DIAPH3: variants seen among roughly 807,000 people sequenced by gnomAD.
DIAPH3 encodes the protein protein diaphanous homolog 3.
Under a neutral mutation model 144.3 loss-of-function variants are expected in DIAPH3, and 117 were observed. The ratio of observed to expected loss-of-function variants is 0.81; its 90% CI spans 0.70 to 0.95. The LOEUF is 0.95. Ranked by LOEUF, DIAPH3 falls within the 40% of genes least tolerant of loss-of-function variation. DIAPH3 has a pLI of 0.00. For missense variants in DIAPH3, 1,421 were observed against 1,412.7 expected, an observed-to-expected ratio of 1.01 and a Z score of -0.09; for synonymous variants, 519 against 488.9, an observed-to-expected ratio of 1.06 and a Z score of -0.81.
chr13:59,870,550 T>C (rs954305766), intron 21 of DIAPH3, among the ~76,000 whole-genome samples: 4 of 152,178 alleles, frequency 2.6e-5, no homozygotes, highest in East Asian at 1.9e-4. Flanking sequence ...ATTGAACCCA[T>C]AGATCAAGTT....
intron 17 of DIAPH3, among the ~76,000 whole-genome samples, chr13:59,952,200 A>T (rs779854725): frequency 2.6e-4 from 39 of 152,152 alleles, no homozygotes; most frequent in Non-Finnish European, 4.9e-4. Context: ...AGAACACATA[A>T]ATTTATAGGC....
At chr13:59,859,956 G>C (rs1264023322) in intron 22 of DIAPH3, among the ~76,000 whole-genome samples, 1 of 152,092 alleles carries the variant, frequency 6.6e-6, no homozygotes, top group Non-Finnish European at 1.5e-5. Flanking sequence ...GGGGTAAAGT[G>C]AGTAATTCAA....
chr13:59,944,040 T>C (rs1039429383), intron 17 of DIAPH3, among the ~76,000 whole-genome samples: 1 of 151,996 alleles, frequency 6.6e-6, no homozygotes, highest in East Asian at 1.9e-4. Flanking sequence ...GGCAAGACCA[T>C]GTCTCTACAA....
At chr13:60,143,663 T>C (rs890783530) in intron 1 of DIAPH3, among the ~76,000 whole-genome samples, 19 of 152,198 alleles carry the variant, frequency 1.2e-4, no homozygotes, top group African/African-American at 4.3e-4. Context: ...ATTTTAAATG[T>C]GTACTGCCTC....
chr13:60,117,529 T>C (rs1001037064), intron 2 of DIAPH3, among the ~76,000 whole-genome samples: 4 of 152,110 alleles, frequency 2.6e-5, no homozygotes, highest in Admixed American at 6.5e-5. Context: ...CGTGCCCTAT[T>C]GAGCACTCCA....
intron 19 of DIAPH3, among the ~76,000 whole-genome samples, chr13:59,915,235 A>G (rs761465270): frequency 1.3e-5 from 2 of 152,158 alleles, no homozygotes; most frequent in Admixed American, 1.3e-4. Context: ...AAAATGCTTA[A>G]ATAAGAGTAG....
chr13:59,888,544 T>C (rs1183538775), intron 20 of DIAPH3, among the ~76,000 whole-genome samples: 1 of 152,146 alleles, frequency 6.6e-6, no homozygotes, highest in Non-Finnish European at 1.5e-5. Context: ...ATATTTTCTC[T>C]GGTTTGTCTA....
intron 27 of DIAPH3, among the ~76,000 whole-genome samples, chr13:59,713,728 G>C (rs1555278654): frequency 1.3e-5 from 2 of 152,130 alleles, no homozygotes; most frequent in Admixed American, 6.5e-5. Context: ...GCTTAAAAAA[G>C]AAAGTCTGTT....
intron 1 of DIAPH3, among the ~76,000 whole-genome samples, chr13:60,160,168 G>A (rs1391441373): frequency 6.6e-6 from 1 of 152,088 alleles, no homozygotes; most frequent in Non-Finnish European, 1.5e-5. Flanking sequence ...AGCTTGCAGT[G>A]AGCCGAGATC....
intron 20 of DIAPH3, among the ~76,000 whole-genome samples, chr13:59,892,559 T>C (rs892246390): frequency 2.0e-5 from 3 of 151,926 alleles, no homozygotes; most frequent in Admixed American, 6.6e-5. Context: ...TATAAAAGAC[T>C]CTTTTTAAAA....
intron 17 of DIAPH3, among the ~76,000 whole-genome samples, chr13:59,963,913 CA>C (rs1462562499): frequency 4.6e-5 from 7 of 152,160 alleles, no homozygotes; most frequent in African/African-American, 1.7e-4. Context: ...GGATAAGCCT[CA>C]TTTAAATTTC....
chr13:60,001,094 T>C (rs747027980), intron 9 of DIAPH3, among the ~76,000 whole-genome samples: 8 of 152,154 alleles, frequency 5.3e-5, no homozygotes, highest in Non-Finnish European at 1.2e-4. Flanking sequence ...AGGATGTGTG[T>C]ATACAAAACA....
intron 3 of DIAPH3, among the ~76,000 whole-genome samples, chr13:60,095,020 A>C (rs943595744): frequency 8.9e-5 from 12 of 134,962 alleles, no homozygotes; most frequent in Admixed American, 7.1e-4. Context: ...GAAATTTTGG[A>C]AACTTCTGGA....
At chr13:59,730,505 T>A (rs965487644) in intron 27 of DIAPH3, among the ~76,000 whole-genome samples, 1 of 152,130 alleles carries the variant, frequency 6.6e-6, no homozygotes, top group Admixed American at 6.5e-5. Flanking sequence ...GTGGAATGCA[T>A]CACAGAAAAG....
intron 27 of DIAPH3, among the ~76,000 whole-genome samples, chr13:59,758,795 TAA>T (rs1481237041): frequency 6.6e-6 from 1 of 150,972 alleles, no homozygotes; most frequent in African/African-American, 2.4e-5. Context: ...TTTTTTTTTT[TAA>T]GAGACAGGGT....
intron 27 of DIAPH3, among the ~76,000 whole-genome samples, chr13:59,669,268 T>G (rs1321042267): frequency 6.6e-6 from 1 of 152,224 alleles, no homozygotes; most frequent in East Asian, 1.9e-4. Flanking sequence ...TGGTCTCACT[T>G]AGATTCATGA....
chr13:59,917,377 G>T (rs74084466), intron 18 of DIAPH3, among the ~76,000 whole-genome samples: 1 of 152,102 alleles, frequency 6.6e-6, no homozygotes, highest in African/African-American at 2.4e-5. Flanking sequence ...TCAGGAAACA[G>T]GATCTACTTC....
chr13:59,674,039 A>T (rs1162874033), intron 27 of DIAPH3, among the ~76,000 whole-genome samples: 1 of 152,184 alleles, frequency 6.6e-6, no homozygotes, highest in Non-Finnish European at 1.5e-5. Flanking sequence ...AAGTGAGGGT[A>T]ACCTAGGGAC....
intron 17 of DIAPH3, among the ~76,000 whole-genome samples, chr13:59,933,980 T>C (rs2048145747): frequency 6.6e-6 from 1 of 152,220 alleles, no homozygotes. Context: ...TTTTCCATTA[T>C]GTACTAATCA....
Sources: allele counts gnomAD v4.1 joint callset (sites outside exome capture counted in the v4.1 genomes callset), GRCh38; gene constraint gnomAD v4.1.1; transcripts MANE v1.5; gene names NCBI Gene and HGNC (gene_info 2026-07-23, HGNC 2026-07-21).